The following CCK variants were observed in gnomAD, a reference collection of about 807,000 sequenced individuals.
CCK encodes the protein cholecystokinin, also known as cholecystokinin triacontatriapeptide.
CCK carries 11 observed loss-of-function variants against 10.1 expected under a neutral mutation model. That is an observed-to-expected ratio of 1.09 (90% CI 0.69 to 1.81). The LOEUF (loss-of-function observed/expected upper bound fraction) is 1.81, where lower values mean the gene tolerates loss of function less well. CCK is among the 40% of genes most tolerant of loss of function. The pLI is 0.00. For missense variants in CCK, 137 were observed against 159.9 expected, an observed-to-expected ratio of 0.86 and a Z score of 0.77; for synonymous variants, 83 against 71.9, an observed-to-expected ratio of 1.15 and a Z score of -0.78.
intron 1 of CCK, 38 bp downstream of exon 1, chr3:42,265,646 T>A (rs1454149096): frequency 6.6e-6 from 1 of 151,670 alleles, no homozygotes; most frequent in Non-Finnish European, 1.5e-5. Flanking sequence ...CTCGCACCTT[T>A]CCTGAGGGCC....
intron 3 of CCK, 27 bp downstream of exon 3, chr3:42,264,670 C>T (rs1252172602): frequency 1.3e-5 from 2 of 152,244 alleles, no homozygotes; most frequent in Admixed American, 6.5e-5. Flanking sequence ...ACACTTGGAT[C>T]CCCCGCTGAC....
At position 42,262,611 on chromosome 3, in the gene CCK, T is replaced by C. The variant is rs539934609; in HGVS notation, c.214+806A>G. Among the ~76,000 whole-genome samples, 8 of 152,288 alleles carry C rather than the reference T, an allele frequency of 5.3e-5. No individual in the cohort carries two copies. In the South Asian group the frequency reaches 1.4e-3, roughly 28 times the overall value. ...ATCATTAGTGTCACTGGGGATAAAG[T>C]TGGCAGAAAAAAGCTGCCCCAATCC... On this transcript the variant is annotated intron_variant, in intron 4 of 4. Transcript: ENST00000396169.
chr3:42,258,757 A>T (rs534712252), intron 4 of CCK, among the ~76,000 whole-genome samples: 1 of 152,294 alleles, frequency 6.6e-6, no homozygotes, highest in Non-Finnish European at 1.5e-5. Context: ...CGTTGGTGGG[A>T]GTGTAAATTA....
rs1577103416 is a variant in CCK at position 42,263,637 on chromosome 3, A to G, written c.-2-5T>C. The G allele has an allele frequency of 1.3e-6, 2 of 1,553,538 alleles. No homozygotes were observed. Among genetic ancestry groups the G allele is most frequent in the South Asian group, 1.2e-5 (1 of 83,332 alleles). On this transcript the variant is annotated splice_region_variant and splice_polypyrimidine_tract_variant and intron_variant, in intron 3 of 4. Coordinates refer to ENST00000396169, the MANE Select transcript of CCK (RefSeq NM_000729.6). ...GGCACACGCCGCTGTTCATGGCTGTAGCGAGCAAAGGAGGAGGGCGCGTTA... is the reference window on the plus strand; with the variant it reads ...GGCACACGCCGCTGTTCATGGCTGTGGCGAGCAAAGGAGGAGGGCGCGTTA...
At chr3:42,261,625 T>C (rs1490411910) in intron 4 of CCK, among the ~76,000 whole-genome samples, 1 of 152,044 alleles carries the variant, frequency 6.6e-6, no homozygotes, top group Non-Finnish European at 1.5e-5. Context: ...TTTTTTCTTT[T>C]TTTTCCCTAG....
chr3:42,262,487 T>G (rs777799975), intron 4 of CCK, among the ~76,000 whole-genome samples: 3 of 152,188 alleles, frequency 2.0e-5, no homozygotes, highest in Non-Finnish European at 4.4e-5. Flanking sequence ...CCCAAAGTGC[T>G]GGGATTACAG....
chr3:42,258,129 C>G lies in CCK; in HGVS notation c.317G>C (p.Arg106Pro). Reference sequence around the variant, plus strand: ...GGGGTACTCATACTCCTCGGCACTGCGACGGCCAAAATCCATCCAGCCCAT... The same window carrying G: ...GGGGTACTCATACTCCTCGGCACTGGGACGGCCAAAATCCATCCAGCCCAT... ...DYMGWMDFGR[R>P]SAEEYEYPS Residue 106 changes from arginine (R) to proline (P), a missense_variant, in exon 5 of 5, where the codon CGC (arginine) becomes CCC (proline). Coordinates refer to ENST00000396169, the MANE Select transcript of CCK (RefSeq NM_000729.6). 1 of 1,614,028 alleles carries G rather than the reference C, an allele frequency of 6.2e-7. No homozygotes were observed. Among genetic ancestry groups the G allele is most frequent in the South Asian group, 1.1e-5 (1 of 91,068 alleles).
intron 2 of CCK, 110 bp downstream of exon 2, chr3:42,265,157 CGG>C (rs1225091602): frequency 2.9e-4 from 4 of 13,802 alleles, no homozygotes; most frequent in Non-Finnish European, 4.6e-4. Context: ...AAACTGGGGG[CGG>C]GGGTGGGGGG....
At chr3:42,258,497 T>G (rs533208897) in intron 4 of CCK, among the ~76,000 whole-genome samples, 1 of 152,384 alleles carries the variant, frequency 6.6e-6, no homozygotes, top group East Asian at 1.9e-4. Flanking sequence ...TGGATTCATT[T>G]TCTCTAGCCT....
chr3:42,260,897 G>A (rs1303770600), intron 4 of CCK, among the ~76,000 whole-genome samples: 1 of 152,224 alleles, frequency 6.6e-6, no homozygotes, highest in Non-Finnish European at 1.5e-5. Context: ...GCCCTCCTGG[G>A]GGGAGCAGGA....
intron 4 of CCK, 60 bp from the exon 5 acceptor site, chr3:42,258,291 A>AT: frequency 1.9e-6 from 3 of 1,570,886 alleles, no homozygotes; most frequent in Non-Finnish European, 2.6e-6. Flanking sequence ...CTCTAGTTCA[A>AT]TTTGGGAAGG....
intron 4 of CCK, among the ~76,000 whole-genome samples, chr3:42,262,409 G>A (rs1711229418): frequency 6.6e-6 from 1 of 151,880 alleles, no homozygotes; most frequent in Non-Finnish European, 1.5e-5. Context: ...TAGTAGAGAT[G>A]GGGTTTCACC....
At chr3:42,259,425 A>C (rs913128175) in intron 4 of CCK, among the ~76,000 whole-genome samples, 3 of 152,244 alleles carry the variant, frequency 2.0e-5, no homozygotes, top group African/African-American at 4.8e-5. Flanking sequence ...TTATATTCAG[A>C]AAGCTTTTGT....
intron 4 of CCK, 25 bp from the exon 5 acceptor site, chr3:42,258,256 AC>A (rs747151061): frequency 1.2e-6 from 2 of 1,603,146 alleles, no homozygotes; most frequent in South Asian, 2.3e-5. Flanking sequence ...GAGGAAGGAA[AC>A]AGGGACATTG....
chr3:42,261,748 A>T (rs761210867), intron 4 of CCK, among the ~76,000 whole-genome samples: 6 of 152,132 alleles, frequency 3.9e-5, no homozygotes, highest in Non-Finnish European at 7.3e-5. Flanking sequence ...AGGGGAGTCC[A>T]GGTCCACAGT....
intron 4 of CCK, among the ~76,000 whole-genome samples, chr3:42,259,929 T>TG (rs1389374780): frequency 6.6e-6 from 1 of 152,200 alleles, no homozygotes; most frequent in Non-Finnish European, 1.5e-5. Flanking sequence ...TGGGGGCCAC[T>TG]GTATCCCCAC....
At position 42,266,180 on chromosome 3, in the gene CCK, T is replaced by A. The variant is rs1559425841; in HGVS notation, c.-879A>T. The A allele has an allele frequency of 2.4e-5, 3 of 124,468 alleles. No homozygotes were observed. The highest frequency in any genetic ancestry group is 1.0e-4 in the Admixed American group (1 of 9,972). The allele number at this position is 124,468 out of a possible 1,614,324, so 7.7% of individuals were successfully genotyped here. On this transcript the variant is annotated 5_prime_UTR_variant, in exon 1 of 5. Transcript: ENST00000396169. ...CCGTATTCCGCTCTGGAATTCCCTC[T>A]GGAATGGAGGGACTGTGGCAACGCC...
chr3:42,259,276 A>G (rs1041453280), intron 4 of CCK, among the ~76,000 whole-genome samples: 1 of 152,114 alleles, frequency 6.6e-6, no homozygotes, highest in African/African-American at 2.4e-5. Flanking sequence ...GGTGCAGCAA[A>G]CCACCATGGC....
At chr3:42,261,711 A>C (rs1410589243) in intron 4 of CCK, among the ~76,000 whole-genome samples, 2 of 152,078 alleles carry the variant, frequency 1.3e-5, no homozygotes, top group Non-Finnish European at 2.9e-5. Context: ...CATAGAAGAA[A>C]AACCAGGGTC....
Sources: allele counts gnomAD v4.1 joint callset (sites outside exome capture counted in the v4.1 genomes callset), GRCh38; gene constraint gnomAD v4.1.1; transcripts MANE v1.5; gene names NCBI Gene and HGNC (gene_info 2026-07-23, HGNC 2026-07-21).